The following PDE4D variants were observed in gnomAD, a reference collection of about 807,000 sequenced individuals.
PDE4D encodes the protein 3',5'-cyclic-AMP phosphodiesterase 4D.
In PDE4D, 24 loss-of-function variants were observed where a neutral mutation model predicts 87.4. The observed-to-expected ratio is 0.27, with a 90% confidence interval of 0.20 to 0.39. The LOEUF (loss-of-function observed/expected upper bound fraction) is 0.39. Among genes scored for constraint, PDE4D ranks in the 10% least tolerant of loss-of-function variants. The pLI is 1.00. For missense variants in PDE4D, 714 were observed against 1,041.0 expected (o/e 0.69, Z 4.32); for synonymous variants, 384 against 383.2 (o/e 1.00, Z -0.02).
At chr5:59,704,968 T>A (rs371260907) in intron 1 of PDE4D, among the ~76,000 whole-genome samples, 4 of 152,192 alleles carry the variant, frequency 2.6e-5, no homozygotes, top group African/African-American at 7.2e-5. Context: ...CCAATATTAG[T>A]CAAAGCTGTT....
intron 1 of PDE4D, among the ~76,000 whole-genome samples, chr5:59,227,941 T>C (rs1754201900): frequency 6.6e-6 from 1 of 152,086 alleles, no homozygotes; most frequent in Admixed American, 6.6e-5. Context: ...ACCATAAAGA[T>C]ACGTGCATGC....
intron 1 of PDE4D, among the ~76,000 whole-genome samples, chr5:60,209,172 ATTTTTTCT>A (rs1742891222): frequency 3.5e-5 from 4 of 113,800 alleles, no homozygotes; most frequent in Non-Finnish European, 7.5e-5. Context: ...CAAGGAAAGT[ATTTTTTCT>A]TTTTTTCTTT....
chr5:60,491,814 T>C (rs12153798), upstream of PDE4D, among the ~76,000 whole-genome samples: 19,447 of 151,620 alleles, frequency 0.13, 1,354 homozygotes, highest in Non-Finnish European at 0.16. Context: ...GCTCTGACTC[T>C]TAATTGTTAG....
intron 1 of PDE4D, among the ~76,000 whole-genome samples, chr5:59,574,128 T>TTATA (rs1219370587): frequency 7.8e-4 from 3 of 3,840 alleles, no homozygotes; most frequent in African/African-American, 6.3e-4. Context: ...AAATATATAT[T>TTATA]TATATATATA....
In PDE4D at chr5:59,454,358, T is replaced by G. The variant is rs535208839; in HGVS notation, c.456-238390A>C. Among the ~76,000 whole-genome samples, 103 of 152,290 alleles carry G rather than the reference T, an allele frequency of 6.8e-4. 1 individual carries two copies. Among genetic ancestry groups the G allele is most frequent in the African/African-American group, 2.4e-3 (99 of 41,556 alleles). ...TGGGGGACAGGTCTTTCCTGCAGCA[T>G]TCTCATGATAGTAAATGAGTCTTAC... On this transcript the variant is annotated intron_variant, in intron 1 of 14. Coordinates refer to ENST00000340635, the MANE Select transcript of PDE4D (RefSeq NM_001104631.2).
At chr5:59,702,490 A>C (rs979376972) in intron 1 of PDE4D, among the ~76,000 whole-genome samples, 1 of 152,150 alleles carries the variant, frequency 6.6e-6, no homozygotes, top group Non-Finnish European at 1.5e-5. Context: ...TAAAGGAAAG[A>C]GTTCAGTGAG....
intron 1 of PDE4D, chr5:60,430,152 G>T: frequency 1.9e-6 from 1 of 524,588 alleles, no homozygotes; most frequent in Non-Finnish European, 3.8e-6. Context: ...GTGCCTGAGG[G>T]GCACGCTTCT....
chr5:59,390,897 G>A (rs1266625734), intron 1 of PDE4D, among the ~76,000 whole-genome samples: 2 of 152,120 alleles, frequency 1.3e-5, no homozygotes, highest in African/African-American at 2.4e-5. Flanking sequence ...AATATTTACT[G>A]AGAACATAAT....
intron 5 of PDE4D, among the ~76,000 whole-genome samples, chr5:59,046,206 A>C (rs554227595): frequency 5.9e-5 from 9 of 152,112 alleles, no homozygotes; most frequent in African/African-American, 1.9e-4. Flanking sequence ...TTTGGGTGGA[A>C]CTAATCTGTG....
chr5:60,324,306 G>T (rs572607003), intron 1 of PDE4D, among the ~76,000 whole-genome samples: 17 of 152,284 alleles, frequency 1.1e-4, no homozygotes, highest in African/African-American at 3.8e-4. Flanking sequence ...TTTTCACACT[G>T]CACCTAACAT....
chr5:60,160,384 T>C (rs1163429982), intron 2 of PDE4D, among the ~76,000 whole-genome samples: 1 of 152,132 alleles, frequency 6.6e-6, no homozygotes, highest in African/African-American at 2.4e-5. Context: ...CTTTTCCCTA[T>C]TTTGTAGTCC....
intron 1 of PDE4D, among the ~76,000 whole-genome samples, chr5:60,500,533 G>C (rs539571507): frequency 6.6e-5 from 10 of 152,260 alleles, no homozygotes; most frequent in Non-Finnish European, 1.2e-4. Flanking sequence ...ATATTCATCA[G>C]TATGATAATA....
At chr5:60,194,980 G>A (rs2149529748) in intron 1 of PDE4D, among the ~76,000 whole-genome samples, 1 of 151,700 alleles carries the variant, frequency 6.6e-6, no homozygotes, top group South Asian at 2.1e-4. Context: ...ACACAGCATT[G>A]TTTCACTCAC....
At chr5:59,869,353 G>A (rs1747488665) in intron 1 of PDE4D, among the ~76,000 whole-genome samples, 1 of 152,146 alleles carries the variant, frequency 6.6e-6, no homozygotes, top group South Asian at 2.1e-4. Flanking sequence ...GAAACAGTAT[G>A]CATAAAAACT....
At chr5:59,147,498 C>T (rs924963211) in intron 5 of PDE4D, among the ~76,000 whole-genome samples, 2 of 152,008 alleles carry the variant, frequency 1.3e-5, no homozygotes, top group Non-Finnish European at 2.9e-5. Context: ...ACAAAGTTGC[C>T]TATATTTTTC....
chr5:59,149,712 T>TG (rs199538337), intron 5 of PDE4D, among the ~76,000 whole-genome samples: 8 of 146,080 alleles, frequency 5.5e-5, no homozygotes, highest in Non-Finnish European at 1.1e-4. Context: ...TCGAGTTTTT[T>TG]TTTTTTTTTT....
At chr5:59,347,086 A>G in intron 1 of PDE4D, among the ~76,000 whole-genome samples, 1 of 152,184 alleles carries the variant, frequency 6.6e-6, no homozygotes, top group South Asian at 2.1e-4. Context: ...TGTGATTCTT[A>G]AACAGGACAT....
At chr5:59,016,750 C>G (rs994528479) in intron 6 of PDE4D, among the ~76,000 whole-genome samples, 2 of 152,054 alleles carry the variant, frequency 1.3e-5, no homozygotes, top group Non-Finnish European at 2.9e-5. Flanking sequence ...CTTTAAACAT[C>G]AGAGTTTTTT....
chr5:59,291,155 C>T (rs1475004746), intron 1 of PDE4D, among the ~76,000 whole-genome samples: 5 of 152,006 alleles, frequency 3.3e-5, no homozygotes, highest in Admixed American at 2.0e-4. Context: ...GCACTATTAA[C>T]AATAGCCAGG....
Sources: allele counts gnomAD v4.1 joint callset (sites outside exome capture counted in the v4.1 genomes callset), GRCh38; gene constraint gnomAD v4.1.1; transcripts MANE v1.5; gene names NCBI Gene and HGNC (gene_info 2026-07-23, HGNC 2026-07-21).